Variants in STS observed in about 807,000 individuals in gnomAD.
STS encodes steryl-sulfatase.
Under a neutral mutation model 26.8 loss-of-function variants are expected in STS, and 7 were observed. The ratio of observed to expected loss-of-function variants is 0.26; its 90% CI spans 0.15 to 0.49. STS has a LOEUF of 0.49. STS is among the 20% of genes least tolerant of loss of function. STS has a pLI of 0.98. For synonymous variants in STS, 199 were observed against 189.4 expected, an observed-to-expected ratio of 1.05 and a Z score of -0.42; for missense variants, 434 against 465.6, an observed-to-expected ratio of 0.93 and a Z score of 0.63.
intron 9 of STS, among the ~76,000 whole-genome samples, chrX:7,329,311 A>T (rs1927639095): frequency 1.8e-5 from 2 of 111,986 alleles, no homozygotes; most frequent in Non-Finnish European, 3.8e-5. Flanking sequence ...GCTACTAAAC[A>T]TCCTGCAACA....
intron 9 of STS, 58 bp from the exon 10 acceptor site, chrX:7,333,927 AG>A: frequency 8.3e-7 from 1 of 1,206,443 alleles, no homozygotes; most frequent in South Asian, 1.8e-5. Context: ...TTGGTTCAGA[AG>A]GACATTTGAG....
intron 9 of STS, among the ~76,000 whole-genome samples, chrX:7,327,335 A>G (rs1220025427): frequency 3.7e-5 from 4 of 108,120 alleles, no homozygotes; most frequent in Non-Finnish European, 7.7e-5. Flanking sequence ...AAGAGTGGAG[A>G]TTCTAGACCT....
At chrX:7,288,287 A>T (rs1315778224) in intron 7 of STS, among the ~76,000 whole-genome samples, 1 of 109,433 alleles carries the variant, frequency 9.1e-6, no homozygotes, top group African/African-American at 3.3e-5. Context: ...CTCCCCTACA[A>T]ATTACAGGTT....
chrX:7,258,076 C>CTAGA (rs1186327253), intron 5 of STS, among the ~76,000 whole-genome samples: 7 of 92,939 alleles, frequency 7.5e-5, no homozygotes, highest in South Asian at 5.1e-4. Context: ...AGCTAGCTAG[C>CTAGA]TAGATAGATA....
At chrX:7,194,061 C>T (rs1018510857) in intron 2 of STS, among the ~76,000 whole-genome samples, 5 of 111,047 alleles carry the variant, frequency 4.5e-5, no homozygotes, top group South Asian at 3.8e-4. Context: ...AGCGCCACCA[C>T]GCCCGGCTAA....
rs1208545217 is a variant in STS at position 7,147,992 on chromosome X, G to C, written c.-225G>C. 4.3e-6 allele frequency: 4 copies of C among 933,581 alleles called. No individual in the cohort carries two copies. The highest frequency in any genetic ancestry group is 2.9e-5 in the Admixed American group (1 of 34,637). The allele number at this position is 933,581 out of a possible 1,213,427, so 76.9% of individuals were successfully genotyped here. On this transcript the variant is annotated 5_prime_UTR_variant, in exon 1 of 11. Coordinates refer to ENST00000674429, the MANE Select transcript of STS (RefSeq NM_001320752.2). ...CCCAGGCCGTGACGTACCCCGCGCC[G>C]ACCGTCCCCACGCCCACACAAGACC...
At chrX:7,227,112 T>A (rs1411667057) in intron 2 of STS, among the ~76,000 whole-genome samples, 1 of 112,193 alleles carries the variant, frequency 8.9e-6, no homozygotes, top group Non-Finnish European at 1.9e-5. Context: ...AAGTGCATAT[T>A]CAATTGTTTT....
intron 9 of STS, among the ~76,000 whole-genome samples, chrX:7,328,007 C>G (rs763138575): frequency 1.8e-5 from 2 of 111,833 alleles, no homozygotes; most frequent in South Asian, 7.4e-4. Context: ...TCCAGTCAAA[C>G]TATTCTTTTT....
At chrX:7,147,675 T>A (rs1464235346), upstream of STS, among the ~76,000 whole-genome samples, 10 of 111,882 alleles carry the variant, frequency 8.9e-5, no homozygotes, top group African/African-American at 3.2e-4. Context: ...CACGCATGCG[T>A]AACCGAAAAG....
At position 7,251,920 on chromosome X, in the gene STS, C is replaced by G. The variant is rs763185355; in HGVS notation, c.-4-1276C>G. ...AGGCTGCAGTGAGTTATAATCACACCACTGCACTCTAACCTGGGCAACAGA... is the reference window on the plus strand; with the variant it reads ...AGGCTGCAGTGAGTTATAATCACACGACTGCACTCTAACCTGGGCAACAGA... On this transcript the variant is annotated intron_variant, in intron 2 of 10. Transcript: ENST00000674429. Among the ~76,000 whole-genome samples, 3 of 111,149 alleles carry G rather than the reference C, an allele frequency of 2.7e-5. No homozygotes were observed. In the South Asian group the frequency reaches 1.2e-3, roughly 43 times the overall value.
At chrX:7,270,641 C>T (rs779447874) in intron 6 of STS, among the ~76,000 whole-genome samples, 11 of 112,098 alleles carry the variant, frequency 9.8e-5, no homozygotes, top group Admixed American at 5.7e-4. Flanking sequence ...TCTCTGATGT[C>T]ACCCCTATAG....
At chrX:7,307,142 CT>C (rs753428099) in intron 8 of STS, among the ~76,000 whole-genome samples, 1 of 111,240 alleles carries the variant, frequency 9.0e-6, no homozygotes, top group Non-Finnish European at 1.9e-5. Flanking sequence ...CTCCCAGCCC[CT>C]TCCTTTAGGT....
chrX:7,307,036 A>G (rs1014277104), intron 8 of STS, among the ~76,000 whole-genome samples: 1 of 111,463 alleles, frequency 9.0e-6, no homozygotes, highest in African/African-American at 3.3e-5. Context: ...ACCCATGGGC[A>G]GGAACCGTCT....
At chrX:7,178,188 TAAGAC>T (rs1350612649) in intron 1 of STS, among the ~76,000 whole-genome samples, 2 of 112,371 alleles carry the variant, frequency 1.8e-5, no homozygotes, top group Non-Finnish European at 3.8e-5. Flanking sequence ...TTAATTCTGT[TAAGAC>T]AAAGCACATA....
intron 2 of STS, among the ~76,000 whole-genome samples, chrX:7,200,225 C>T (rs1331554034): frequency 9.0e-6 from 1 of 110,673 alleles, no homozygotes. Context: ...CTGCTAACTC[C>T]CCAAATTTGT....
At chrX:7,344,593 C>G (rs1026212685) in intron 10 of STS, among the ~76,000 whole-genome samples, 7 of 111,594 alleles carry the variant, frequency 6.3e-5, no homozygotes, top group South Asian at 3.8e-4. Context: ...ATACTGCTCA[C>G]GTTTGGCCAG....
chrX:7,251,635 G>A (rs1297075077), intron 2 of STS, among the ~76,000 whole-genome samples: 4 of 111,271 alleles, frequency 3.6e-5, no homozygotes, highest in Admixed American at 1.9e-4. Flanking sequence ...AGACACCTGC[G>A]CTGTACCCCC....
intron 6 of STS, among the ~76,000 whole-genome samples, chrX:7,265,919 T>C (rs1421406749): frequency 8.9e-6 from 1 of 112,268 alleles, no homozygotes; most frequent in African/African-American, 3.2e-5. Context: ...AATCCTAACA[T>C]TGGTGACACC....
intron 2 of STS, among the ~76,000 whole-genome samples, chrX:7,205,836 G>C (rs918172567): frequency 2.8e-5 from 3 of 108,265 alleles, no homozygotes; most frequent in Non-Finnish European, 3.8e-5. Context: ...GTCTGGTCTG[G>C]AGCTCCCAGG....
Sources: gnomAD v4.1 joint callset for allele counts (sites outside exome capture counted in the v4.1 genomes callset) on GRCh38, gnomAD v4.1.1 for gene constraint, MANE v1.5 for transcripts, NCBI Gene and HGNC (gene_info 2026-07-23, HGNC 2026-07-21) for gene names.